The following GABRB1 variants were observed in gnomAD, a reference collection of about 807,000 sequenced individuals.
GABRB1 encodes the protein gamma-aminobutyric acid receptor subunit beta-1.
Under a neutral mutation model 51.6 loss-of-function variants are expected in GABRB1, and 17 were observed. That is an observed-to-expected ratio of 0.33 (90% CI 0.23 to 0.49). The LOEUF (loss-of-function observed/expected upper bound fraction) is 0.49. GABRB1 is among the 20% of genes least tolerant of loss of function. The pLI is 0.99. For missense variants in GABRB1, 410 were observed against 600.6 expected (o/e 0.68, Z 3.32); for synonymous variants, 247 against 218.9 (o/e 1.13, Z -1.14).
At chr4:47,377,640 C>A (rs1727435611) in intron 5 of GABRB1, among the ~76,000 whole-genome samples, 1 of 152,136 alleles carries the variant, frequency 6.6e-6, no homozygotes, top group African/African-American at 2.4e-5. Flanking sequence ...TCTGGCCCCA[C>A]CCACATCCTG....
intron 4 of GABRB1, among the ~76,000 whole-genome samples, chr4:47,228,138 A>G (rs547021011): frequency 1.3e-5 from 2 of 152,282 alleles, no homozygotes; most frequent in Admixed American, 6.5e-5. Context: ...TGCAAATTAC[A>G]TCAACCTCCA....
intron 3 of GABRB1, among the ~76,000 whole-genome samples, chr4:47,063,781 G>T (rs187221695): frequency 6.6e-6 from 1 of 152,102 alleles, no homozygotes; most frequent in Non-Finnish European, 1.5e-5. Context: ...AAACTAACAC[G>T]GGAACAGAAA....
chr4:47,275,677 C>T (rs1007288210), intron 4 of GABRB1, among the ~76,000 whole-genome samples: 1 of 152,088 alleles, frequency 6.6e-6, no homozygotes, highest in Non-Finnish European at 1.5e-5. Flanking sequence ...TTTCCAAGAT[C>T]AGGAAACCAC....
intron 4 of GABRB1, among the ~76,000 whole-genome samples, chr4:47,297,696 C>A (rs1724060429): frequency 6.6e-6 from 1 of 152,130 alleles, no homozygotes; most frequent in South Asian, 2.1e-4. Flanking sequence ...GGAACTGGTA[C>A]CATTCCTTCT....
At chr4:47,232,395 T>A (rs2109836918) in intron 4 of GABRB1, among the ~76,000 whole-genome samples, 1 of 152,338 alleles carries the variant, frequency 6.6e-6, no homozygotes. Context: ...CTTCTTTTAA[T>A]TTTATTTGCC....
At chr4:47,299,620 G>A (rs1724163777) in intron 4 of GABRB1, among the ~76,000 whole-genome samples, 1 of 152,088 alleles carries the variant, frequency 6.6e-6, no homozygotes, top group Admixed American at 6.6e-5. Flanking sequence ...GGAGAAATAG[G>A]AACACTTTTA....
At chr4:47,303,111 T>C (rs1046525163) in intron 4 of GABRB1, among the ~76,000 whole-genome samples, 1 of 151,886 alleles carries the variant, frequency 6.6e-6, no homozygotes, top group Non-Finnish European at 1.5e-5. Flanking sequence ...TGCACATTTA[T>C]TTACTCTGAA....
At chr4:47,074,800 A>C (rs1727481391) in intron 3 of GABRB1, among the ~76,000 whole-genome samples, 1 of 152,222 alleles carries the variant, frequency 6.6e-6, no homozygotes, top group Admixed American at 6.5e-5. Context: ...ATTACCGATA[A>C]GGTTGCAATT....
chr4:47,195,456 T>TAGATAGA (rs374834648), intron 4 of GABRB1, among the ~76,000 whole-genome samples: 7 of 89,610 alleles, frequency 7.8e-5, no homozygotes, highest in Non-Finnish European at 1.2e-4. Flanking sequence ...GATAGATAGA[T>TAGATAGA]TAGATGATAG....
At position 47,200,346 on chromosome 4, in the gene GABRB1, A is replaced by G. The variant is rs539627890; in HGVS notation, c.461+38877A>G. ...GTGAGTGGCTGAGGTAGGGCAGTTG[A>G]CAAGGTCATTGCAGAAGTCCAGCTG... On this transcript the variant is annotated intron_variant, in intron 4 of 8. Transcript: ENST00000295454. 3.2e-4 allele frequency among the ~76,000 whole-genome samples: 49 copies of G among 152,332 alleles called. No individual in the cohort carries two copies. The South Asian group carries it at 5.8e-3, about 18-fold the overall frequency.
rs921872222 is a variant in GABRB1 at position 47,119,899 on chromosome 4, C to CA, written c.241-41340dup. Among the ~76,000 whole-genome samples, 441 of 143,652 alleles carry CA rather than the reference C, an allele frequency of 3.1e-3. 1 individual carries two copies. The highest frequency in any genetic ancestry group is 5.3e-3 in the Non-Finnish European group (349 of 65,242). 94.2% of individuals were successfully genotyped at this position (143,652 alleles called of 152,430 possible). ...AGTAACAGATTTTAAAAGGCTGTTT[C>CA]AAAAAAAAAAGGGCATGTGGCCAAT... On this transcript the variant is annotated intron_variant, in intron 3 of 8. Transcript: ENST00000295454.
In GABRB1 at chr4:47,034,469, G is replaced by C. The variant is rs532449841; in HGVS notation, c.240+1985G>C. On this transcript the variant is annotated intron_variant, in intron 3 of 8. Transcript: ENST00000295454. Reference sequence around the variant, plus strand: ...CACAGCAACACGTGTGTATGCACTTGATTTTTCAAAAGTATTCACCCAGCT... The same window carrying C: ...CACAGCAACACGTGTGTATGCACTTCATTTTTCAAAAGTATTCACCCAGCT... 7.2e-5 allele frequency among the ~76,000 whole-genome samples: 11 copies of C among 152,182 alleles called. No individual in the cohort carries two copies. In the East Asian group the frequency reaches 2.1e-3, roughly 29 times the overall value.
intron 8 of GABRB1, among the ~76,000 whole-genome samples, chr4:47,424,177 A>G (rs1234890018): frequency 1.3e-5 from 2 of 152,346 alleles, no homozygotes; most frequent in African/African-American, 4.8e-5. Context: ...TCCTGTGGAA[A>G]CAAAGTGTAA....
At chr4:47,058,800 T>C (rs781602993) in intron 3 of GABRB1, among the ~76,000 whole-genome samples, 5 of 152,342 alleles carry the variant, frequency 3.3e-5, no homozygotes, top group East Asian at 1.9e-4. Context: ...GAGTCTGTCA[T>C]TGACATTCTT....
Position 47,031,578 on chromosome 4 carries a change from A to T in GABRB1, c.-74A>T. ...GCATGCGCAGGTCCATTCGGGAATT[A>T]CTGCCCAGCAGCCGACTAAGTTGCA... On this transcript the variant is annotated 5_prime_UTR_variant, in exon 1 of 9. Coordinates refer to ENST00000295454, the MANE Select transcript of GABRB1 (RefSeq NM_000812.4). The T allele has an allele frequency of 1.6e-6, 2 of 1,274,734 alleles. No individual in the cohort carries two copies. The highest frequency in any genetic ancestry group is 1.2e-5 in the South Asian group (1 of 83,498). The allele number at this position is 1,274,734 out of a possible 1,614,324, so 79.0% of individuals were successfully genotyped here.
At chr4:47,399,340 ATAATT>A (rs1728302121) in intron 5 of GABRB1, among the ~76,000 whole-genome samples, 1 of 152,286 alleles carries the variant, frequency 6.6e-6, no homozygotes, top group East Asian at 1.9e-4. Flanking sequence ...CTTTATGAAA[ATAATT>A]TAGAAATTTT....
chr4:47,130,690 A>G (rs1716374138), intron 3 of GABRB1, among the ~76,000 whole-genome samples: 1 of 152,172 alleles, frequency 6.6e-6, no homozygotes, highest in Non-Finnish European at 1.5e-5. Context: ...TTATTAGATT[A>G]GTCATGTCTG....
intron 3 of GABRB1, among the ~76,000 whole-genome samples, chr4:47,133,946 T>G (rs1716527825): frequency 6.6e-6 from 1 of 152,198 alleles, no homozygotes; most frequent in African/African-American, 2.4e-5. Context: ...TTTGGAAATC[T>G]GGTATTTTAC....
chr4:47,230,000 T>C (rs1721080976), intron 4 of GABRB1, among the ~76,000 whole-genome samples: 1 of 152,190 alleles, frequency 6.6e-6, no homozygotes, highest in Admixed American at 6.5e-5. Flanking sequence ...ATTTGCAAAA[T>C]ATCTTAATAA....
Sources: gnomAD v4.1 joint callset for allele counts (sites outside exome capture counted in the v4.1 genomes callset) on GRCh38, gnomAD v4.1.1 for gene constraint, MANE v1.5 for transcripts, NCBI Gene and HGNC (gene_info 2026-07-23, HGNC 2026-07-21) for gene names.